The following IKZF2 variants were observed in gnomAD, a reference collection of about 807,000 sequenced individuals.
IKZF2 encodes zinc finger protein Helios.
Under a neutral mutation model 49.2 loss-of-function variants are expected in IKZF2, and 15 were observed. The ratio of observed to expected loss-of-function variants is 0.30; its 90% CI spans 0.20 to 0.47. The LOEUF is 0.47. Among genes scored for constraint, IKZF2 ranks in the 20% least tolerant of loss-of-function variants. The probability of loss-of-function intolerance (pLI) is 1.00; values close to 1 mark genes in which losing one functional copy is unlikely to be tolerated. For missense variants in IKZF2, 567 were observed against 664.6 expected (o/e 0.85, Z 1.61); for synonymous variants, 227 against 221.4 (o/e 1.03, Z -0.23).
chr2:213,147,702 A>T lies in IKZF2; in HGVS notation c.139+6T>A, dbSNP rs776378876. Reference sequence around the variant, plus strand: ...CACAAAAAAAAATCATAAAATGAAGACTTACTGCTTGTCATGTGACTTGGT... The same window carrying T: ...CACAAAAAAAAATCATAAAATGAAGTCTTACTGCTTGTCATGTGACTTGGT... On this transcript the variant is annotated splice_donor_region_variant and intron_variant, in intron 4 of 8. Transcript: ENST00000434687. 6.8e-6 allele frequency: 11 copies of T among 1,607,192 alleles called. No individual in the cohort carries two copies. The Admixed American group carries it at 1.8e-4, about 27-fold the overall frequency.
At chr2:213,137,998 T>C (rs2060735965) in intron 4 of IKZF2, among the ~76,000 whole-genome samples, 1 of 152,024 alleles carries the variant, frequency 6.6e-6, no homozygotes, top group Admixed American at 6.5e-5. Context: ...GACAAAAACG[T>C]CAAAAGTGTA....
chr2:213,082,534 A>C (rs564454457), intron 4 of IKZF2, among the ~76,000 whole-genome samples: 1 of 152,344 alleles, frequency 6.6e-6, no homozygotes, highest in South Asian at 2.1e-4. Flanking sequence ...CAATGAAGCA[A>C]ACCCTCTGAC....
chr2:213,069,441 G>A (rs1037260887), intron 4 of IKZF2, among the ~76,000 whole-genome samples: 9 of 152,068 alleles, frequency 5.9e-5, no homozygotes, highest in African/African-American at 1.4e-4. Flanking sequence ...CCGAATCTAC[G>A]TTTTTGTCAC....
intron 6 of IKZF2, among the ~76,000 whole-genome samples, chr2:213,035,767 G>C (rs1698960740): frequency 6.6e-6 from 1 of 152,136 alleles, no homozygotes; most frequent in African/African-American, 2.4e-5. Flanking sequence ...TTAGTAGTTT[G>C]ATTTTATTAT....
chr2:213,012,588 T>A (rs1161400036), intron 8 of IKZF2, among the ~76,000 whole-genome samples: 1 of 152,026 alleles, frequency 6.6e-6, no homozygotes, highest in Non-Finnish European at 1.5e-5. Context: ...CTCAGGGGCT[T>A]CAACTGACAT....
chr2:213,131,673 G>A (rs2060477222), intron 4 of IKZF2, among the ~76,000 whole-genome samples: 1 of 152,160 alleles, frequency 6.6e-6, no homozygotes. Context: ...GTTTGAATGA[G>A]TGTTGAGAAA....
intron 4 of IKZF2, among the ~76,000 whole-genome samples, chr2:213,124,276 A>AC (rs1395044774): frequency 4.0e-4 from 59 of 147,220 alleles, no homozygotes; most frequent in African/African-American, 1.4e-3. Context: ...ACACACACAC[A>AC]CACACACACA....
intron 4 of IKZF2, among the ~76,000 whole-genome samples, chr2:213,078,616 GT>G (rs1421034757): frequency 6.6e-6 from 1 of 152,144 alleles, no homozygotes; most frequent in Admixed American, 6.5e-5. Context: ...CTTAGGTTTT[GT>G]TTTTTGCTTT....
chr2:213,128,805 T>TC (rs2060362117), intron 4 of IKZF2, among the ~76,000 whole-genome samples: 2 of 39,152 alleles, frequency 5.1e-5, no homozygotes, highest in Non-Finnish European at 6.8e-5. Flanking sequence ...TTTTTTTTTC[T>TC]TTTTTTTTTT....
At chr2:213,012,099 T>C (rs558962792) in intron 8 of IKZF2, among the ~76,000 whole-genome samples, 2 of 152,026 alleles carry the variant, frequency 1.3e-5, no homozygotes, top group Non-Finnish European at 1.5e-5. Flanking sequence ...CAATTTATAA[T>C]AAGTGTGGAA....
intron 4 of IKZF2, among the ~76,000 whole-genome samples, chr2:213,100,789 G>A (rs138717204): frequency 5.1e-4 from 78 of 151,980 alleles, no homozygotes; most frequent in African/African-American, 1.8e-3. Context: ...CTTTTTAAAG[G>A]CCAGGTACTT....
chr2:213,110,594 C>T (rs1409755340), intron 4 of IKZF2, among the ~76,000 whole-genome samples: 2 of 151,594 alleles, frequency 1.3e-5, no homozygotes, highest in African/African-American at 4.8e-5. Flanking sequence ...ACAATGTTTC[C>T]CATCTTTTGA....
At chr2:213,126,107 G>T (rs1329169238) in intron 4 of IKZF2, among the ~76,000 whole-genome samples, 1 of 152,064 alleles carries the variant, frequency 6.6e-6, no homozygotes, top group Non-Finnish European at 1.5e-5. Context: ...TATTTAGACT[G>T]CTCTTTAGCC....
intron 4 of IKZF2, among the ~76,000 whole-genome samples, chr2:213,111,484 G>A (rs1381020212): frequency 6.6e-6 from 1 of 151,876 alleles, no homozygotes; most frequent in Non-Finnish European, 1.5e-5. Context: ...CTGATTCTCT[G>A]CAGTTTATGG....
At chr2:213,142,923 C>A (rs966729500) in intron 4 of IKZF2, among the ~76,000 whole-genome samples, 3 of 151,848 alleles carry the variant, frequency 2.0e-5, no homozygotes, top group African/African-American at 7.3e-5. Context: ...GGAAACCATC[C>A]CTAAATATTC....
At chr2:213,062,906 C>A (rs1701838948) in intron 4 of IKZF2, among the ~76,000 whole-genome samples, 1 of 151,930 alleles carries the variant, frequency 6.6e-6, no homozygotes, top group Non-Finnish European at 1.5e-5. Context: ...AAACAAAGTG[C>A]CTTCAAAACT....
intron 4 of IKZF2, among the ~76,000 whole-genome samples, chr2:213,104,936 C>T (rs1313773831): frequency 4.6e-5 from 7 of 152,058 alleles, no homozygotes; most frequent in African/African-American, 1.7e-4. Context: ...CAGGGCCAAC[C>T]CATTTATAAC....
At chr2:213,061,750 A>G (rs1260453922) in intron 4 of IKZF2, among the ~76,000 whole-genome samples, 3 of 151,576 alleles carry the variant, frequency 2.0e-5, no homozygotes, top group Non-Finnish European at 4.4e-5. Context: ...CAAAAAAAAT[A>G]CTATTAACTT....
chr2:213,017,525 C>T (rs1158864588), intron 7 of IKZF2, among the ~76,000 whole-genome samples: 1 of 152,170 alleles, frequency 6.6e-6, no homozygotes. Flanking sequence ...TGCTGGTCAC[C>T]TGTGGAAAAT....
Sources: allele counts gnomAD v4.1 joint callset (sites outside exome capture counted in the v4.1 genomes callset), GRCh38; gene constraint gnomAD v4.1.1; transcripts MANE v1.5; gene names NCBI Gene and HGNC (gene_info 2026-07-23, HGNC 2026-07-21).